KIF5C: variants seen among roughly 807,000 people sequenced by gnomAD.
KIF5C encodes the protein kinesin heavy chain isoform 5C.
KIF5C carries 18 observed loss-of-function variants against 125.2 expected under a neutral mutation model. The ratio of observed to expected loss-of-function variants is 0.14; its 90% confidence interval spans 0.10 to 0.21. The LOEUF (loss-of-function observed/expected upper bound fraction) is 0.21. Ranked by LOEUF, KIF5C falls within the 10% of genes least tolerant of loss-of-function variation. The probability of loss-of-function intolerance (pLI) is 1.00; values close to 1 mark genes in which losing one functional copy is unlikely to be tolerated. For missense variants in KIF5C, 780 were observed against 1,183.8 expected (o/e 0.66, Z 5.01); for synonymous variants, 405 against 434.0 (o/e 0.93, Z 0.83).
At chr2:148,938,511 G>C (rs1682338602) in intron 4 of KIF5C, among the ~76,000 whole-genome samples, 1 of 152,024 alleles carries the variant, frequency 6.6e-6, no homozygotes, top group South Asian at 2.1e-4. Flanking sequence ...TGGGAGAAGG[G>C]GTTGGCAACA....
At chr2:149,006,022 T>C (rs1386035798) in intron 22 of KIF5C, among the ~76,000 whole-genome samples, 1 of 152,220 alleles carries the variant, frequency 6.6e-6, no homozygotes, top group East Asian at 1.9e-4. Flanking sequence ...GAGCCAGAGA[T>C]AGGTCTGGAA....
chr2:148,968,647 G>A (rs1680811128), intron 11 of KIF5C, among the ~76,000 whole-genome samples: 1 of 152,084 alleles, frequency 6.6e-6, no homozygotes, highest in South Asian at 2.1e-4. Flanking sequence ...AGTCCCAGGT[G>A]ACCAGTTTAT....
At chr2:148,934,432 T>C (rs1441413050) in intron 3 of KIF5C, among the ~76,000 whole-genome samples, 1 of 145,310 alleles carries the variant, frequency 6.9e-6, no homozygotes, top group Non-Finnish European at 1.5e-5. Context: ...ATACCACACA[T>C]TGTATGGCAT....
chr2:149,010,011 C>T (rs1343666647), intron 23 of KIF5C, 124 bp from the exon 24 acceptor site: 26 of 1,404,750 alleles, frequency 1.9e-5, no homozygotes, highest in Non-Finnish European at 2.0e-5. Context: ...TGTGGTTGTA[C>T]GGAGTGCCAA....
At chr2:148,940,394 A>G (rs929983835) in intron 4 of KIF5C, among the ~76,000 whole-genome samples, 4 of 152,196 alleles carry the variant, frequency 2.6e-5, no homozygotes, top group African/African-American at 9.7e-5. Context: ...GCCAGGAGAG[A>G]TGCCCAGCAG....
rs2105076903 is a variant in KIF5C, at chr2:148,918,275, A to G, written c.127-3862A>G. ...GCTTGTATACTTTATTTTCAGTAGT[A>G]ATGTGTGTGGAATGTGTGTGTCTCA... On this transcript the variant is annotated intron_variant, in intron 1 of 25. Coordinates refer to ENST00000435030, the MANE Select transcript of KIF5C (RefSeq NM_004522.3). 1.3e-5 allele frequency among the ~76,000 whole-genome samples: 2 copies of G among 152,312 alleles called. 1 individual carries two copies. Among genetic ancestry groups the G allele is most frequent in the East Asian group, 3.9e-4 (2 of 5,186 alleles).
At chr2:148,958,961 G>A (rs1461687468) in intron 10 of KIF5C, among the ~76,000 whole-genome samples, 1 of 151,732 alleles carries the variant, frequency 6.6e-6, no homozygotes, top group African/African-American at 2.4e-5. Flanking sequence ...TCCAGCCTGG[G>A]CAACAGAGTG....
intron 1 of KIF5C, among the ~76,000 whole-genome samples, chr2:148,914,966 A>G (rs1681487157): frequency 6.6e-6 from 1 of 152,230 alleles, no homozygotes; most frequent in Non-Finnish European, 1.5e-5. Context: ...AGAGGGTATA[A>G]TGGTGATGGA....
intron 11 of KIF5C, among the ~76,000 whole-genome samples, chr2:148,971,089 G>A (rs1018405829): frequency 7.2e-5 from 11 of 152,168 alleles, no homozygotes; most frequent in Admixed American, 3.3e-4. Flanking sequence ...TAGAGATACA[G>A]TCACAATCCA....
intron 3 of KIF5C, among the ~76,000 whole-genome samples, chr2:148,929,761 T>C (rs1682128565): frequency 6.6e-6 from 1 of 151,452 alleles, no homozygotes; most frequent in Admixed American, 6.6e-5. Context: ...TTTTTAAAAG[T>C]TGGCTTGTGG....
intron 1 of KIF5C, among the ~76,000 whole-genome samples, chr2:148,907,035 G>C (rs1367029002): frequency 6.6e-6 from 1 of 152,114 alleles, no homozygotes; most frequent in Admixed American, 6.5e-5. Flanking sequence ...ACTCCATCCT[G>C]GGCAACAGAG....
intron 1 of KIF5C, among the ~76,000 whole-genome samples, chr2:148,909,490 A>G (rs1167585385): frequency 6.6e-6 from 1 of 152,254 alleles, no homozygotes; most frequent in Non-Finnish European, 1.5e-5. Context: ...CTTGTGGCTC[A>G]TCCCTGCTGG....
chr2:149,024,843 G>A lies in KIF5C; in HGVS notation c.*1773G>A, dbSNP rs1187574646. ...TATACCTGCTCTACCATTATTTGCG[G>A]TCTGATAAAAGGGTCCTTGTGGGGC... On this transcript the variant is annotated 3_prime_UTR_variant, in exon 26 of 26. Coordinates refer to ENST00000435030, the MANE Select transcript of KIF5C (RefSeq NM_004522.3). 1.3e-5 allele frequency: 2 copies of A among 152,432 alleles called. No individual in the cohort carries two copies. The highest frequency in any genetic ancestry group is 2.9e-5 in the Non-Finnish European group (2 of 68,010). The allele number at this position is 152,432 out of a possible 1,614,324, so 9.4% of individuals were successfully genotyped here. A position where few individuals can be genotyped will look rare whatever the true frequency, so the allele number is the denominator to read the frequency against.
intron 14 of KIF5C, among the ~76,000 whole-genome samples, chr2:148,982,951 G>C (rs1330024260): frequency 6.6e-6 from 1 of 152,102 alleles, no homozygotes; most frequent in African/African-American, 2.4e-5. Context: ...ATACCTTTTG[G>C]CAAGATACAT....
chr2:148,941,541 G>C, intron 4 of KIF5C, 69 bp from the exon 5 acceptor site: 1 of 1,541,094 alleles, frequency 6.5e-7, no homozygotes, highest in Non-Finnish European at 8.8e-7. Flanking sequence ...GCTTTCATAA[G>C]TACTAATAAT....
At chr2:149,006,212 CGT>C (rs960757257) in intron 22 of KIF5C, among the ~76,000 whole-genome samples, 13 of 151,834 alleles carry the variant, frequency 8.6e-5, no homozygotes, top group African/African-American at 2.9e-4. Context: ...AGTGTGTGTA[CGT>C]GTGTGTGTGA....
intron 11 of KIF5C, among the ~76,000 whole-genome samples, chr2:148,972,137 G>C (rs1680933216): frequency 6.6e-6 from 1 of 152,134 alleles, no homozygotes; most frequent in South Asian, 2.1e-4. Context: ...ATTTTTAGTA[G>C]AGATGGTATT....
chr2:149,010,011 C>A, intron 23 of KIF5C, 124 bp from the exon 24 acceptor site: 1 of 1,404,868 alleles, frequency 7.1e-7, no homozygotes, highest in Non-Finnish European at 9.4e-7. Flanking sequence ...TGTGGTTGTA[C>A]GGAGTGCCAA....
Position 148,875,264 on chromosome 2 carries a change from C to A in KIF5C, c.-354C>A, listed in dbSNP as rs1303327905. ...TGCTGATGCAGGATGGCTGAGCGCGCAGGAGCCCGGGAGGTCTGAGCCGGG... is the reference window on the plus strand; with the variant it reads ...TGCTGATGCAGGATGGCTGAGCGCGAAGGAGCCCGGGAGGTCTGAGCCGGG... On this transcript the variant is annotated 5_prime_UTR_variant, in exon 1 of 26. Transcript: ENST00000435030. 4.8e-6 allele frequency: 1 copy of A among 206,624 alleles called. No homozygotes were observed. The highest frequency in any genetic ancestry group is 9.6e-6 in the Non-Finnish European group (1 of 103,744). 12.8% of individuals were successfully genotyped at this position (206,624 alleles called of 1,614,324 possible).
Sources: gnomAD v4.1 joint callset for allele counts (sites outside exome capture counted in the v4.1 genomes callset) on GRCh38, gnomAD v4.1.1 for gene constraint, MANE v1.5 for transcripts, NCBI Gene and HGNC (gene_info 2026-07-23, HGNC 2026-07-21) for gene names.